Variants in EHBP1 observed in about 807,000 individuals in gnomAD.
The protein encoded by EHBP1 is EH domain binding protein 1.
Under a neutral mutation model 144.0 loss-of-function variants are expected in EHBP1, and 55 were observed. The observed-to-expected ratio is 0.38, with a 90% CI of 0.31 to 0.48. The LOEUF is 0.48. Among genes scored for constraint, EHBP1 ranks in the 20% least tolerant of loss-of-function variants. The pLI, the probability that EHBP1 is intolerant of heterozygous loss-of-function variation, is 0.98. For synonymous variants in EHBP1, 469 were observed against 472.7 expected (o/e 0.99, Z 0.10); for missense variants, 1,200 against 1,364.2 (o/e 0.88, Z 1.90).
In EHBP1 at chr2:62,957,641, C is replaced by CTTTTTTTTTTTTT. The variant is rs1157397512; in HGVS notation, c.2460+1991_2460+2003dup. ...TAAAATTAATATTTGAAAATAAATG[C>CTTTTTTTTTTTTT]TTTTTTTTTTTTTTTTTTTTTTGAG... On this transcript the variant is annotated intron_variant, in intron 14 of 22. Coordinates refer to ENST00000431489, the MANE Select transcript of EHBP1 (RefSeq NM_001142616.3). 6.3e-4 allele frequency among the ~76,000 whole-genome samples: 55 copies of CTTTTTTTTTTTTT among 87,172 alleles called. 5 individuals carry two copies. Among genetic ancestry groups the CTTTTTTTTTTTTT allele is most frequent in the African/African-American group, 1.3e-3 (25 of 19,486 alleles). The allele number at this position is 87,172 out of a possible 152,430, so 57.2% of individuals were successfully genotyped here. A position where few individuals can be genotyped will look rare whatever the true frequency, so the allele number is the denominator to read the frequency against.
chr2:62,911,681 C>G (rs1048323592), intron 10 of EHBP1, among the ~76,000 whole-genome samples: 150 of 152,190 alleles, frequency 9.9e-4, no homozygotes, highest in African/African-American at 3.3e-3. Context: ...AGGCTGGTCT[C>G]GAACTCCTGA....
chr2:62,934,950 G>C (rs1006569994), intron 10 of EHBP1, among the ~76,000 whole-genome samples: 3 of 152,124 alleles, frequency 2.0e-5, no homozygotes, highest in African/African-American at 7.2e-5. Flanking sequence ...AAAGAGTTTA[G>C]TTAACCCTTT....
intron 1 of EHBP1, among the ~76,000 whole-genome samples, chr2:62,678,303 A>G (rs1264876034): frequency 6.6e-6 from 1 of 152,152 alleles, no homozygotes; most frequent in Non-Finnish European, 1.5e-5. Flanking sequence ...TGTCTATTCA[A>G]ATATTTTGTC....
At chr2:63,011,941 A>C (rs559698225) in intron 19 of EHBP1, among the ~76,000 whole-genome samples, 120 of 152,104 alleles carry the variant, frequency 7.9e-4, no homozygotes, top group African/African-American at 2.8e-3. Flanking sequence ...GTTGGGATAC[A>C]TTTAAATATT....
intron 10 of EHBP1, among the ~76,000 whole-genome samples, chr2:62,935,363 A>C (rs1436542963): frequency 6.8e-6 from 1 of 148,132 alleles, no homozygotes; most frequent in Admixed American, 6.7e-5. Flanking sequence ...ATATATATAT[A>C]TATCCATCTC....
Position 62,707,086 on chromosome 2 carries a change from G to A in EHBP1, c.-106G>A, listed in dbSNP as rs2034664902. The stretch of plus-strand genomic sequence containing the variant: ...AAGCATCATTTCGAGTTGTAGTTGA[G>A]TTTTTAAAAGACATACATGCAAAGT... On this transcript the variant is annotated 5_prime_UTR_variant, in exon 2 of 23. Transcript: ENST00000431489. The A allele has an allele frequency of 1.2e-6, 1 of 824,276 alleles. No individual in the cohort carries two copies. The highest frequency in any genetic ancestry group is 1.7e-5 in the African/African-American group (1 of 59,140). 51.1% of individuals were successfully genotyped at this position (824,276 alleles called of 1,614,324 possible).
At chr2:62,779,970 T>A (rs1423688611) in intron 5 of EHBP1, among the ~76,000 whole-genome samples, 1 of 152,150 alleles carries the variant, frequency 6.6e-6, no homozygotes, top group Non-Finnish European at 1.5e-5. Flanking sequence ...TAAAGTACAT[T>A]TCAGATATTA....
intron 10 of EHBP1, among the ~76,000 whole-genome samples, chr2:62,921,130 G>A (rs945936569): frequency 6.6e-6 from 1 of 152,182 alleles, no homozygotes; most frequent in African/African-American, 2.4e-5. Context: ...TCAAATTACA[G>A]TGTTATAATT....
chr2:62,843,752 T>C (rs545054237), intron 7 of EHBP1, among the ~76,000 whole-genome samples: 4 of 152,230 alleles, frequency 2.6e-5, no homozygotes, highest in Admixed American at 1.3e-4. Context: ...TTTTAGCAAA[T>C]AAAAGGTTTA....
At chr2:62,995,212 A>G (rs1239985984) in intron 18 of EHBP1, among the ~76,000 whole-genome samples, 1 of 152,060 alleles carries the variant, frequency 6.6e-6, no homozygotes, top group Non-Finnish European at 1.5e-5. Flanking sequence ...TATATTTTGT[A>G]TTGAGATGGA....
chr2:62,724,085 C>T (rs530072311), intron 2 of EHBP1, among the ~76,000 whole-genome samples: 23 of 152,334 alleles, frequency 1.5e-4, no homozygotes, highest in African/African-American at 5.5e-4. Context: ...TGCTTACACT[C>T]TCCCCATCTC....
chr2:62,905,696 C>T (rs1013924702), intron 10 of EHBP1, among the ~76,000 whole-genome samples: 9 of 151,762 alleles, frequency 5.9e-5, no homozygotes, highest in African/African-American at 9.7e-5. Context: ...TGGTGACACA[C>T]GCCTGTAATC....
At chr2:62,829,657 A>G (rs1415693349) in intron 6 of EHBP1, among the ~76,000 whole-genome samples, 1 of 146,734 alleles carries the variant, frequency 6.8e-6, no homozygotes, top group Non-Finnish European at 1.5e-5. Context: ...ATATACTACT[A>G]TATATTATAT....
In EHBP1 at chr2:62,957,641, C is replaced by CTTT. The variant is rs1157397512; in HGVS notation, c.2460+2001_2460+2003dup. Among the ~76,000 whole-genome samples, 284 of 87,130 alleles carry CTTT rather than the reference C, an allele frequency of 3.3e-3. 52 individuals are homozygous for CTTT. The highest frequency in any genetic ancestry group is 0.012 in the African/African-American group (228 of 19,452). 57.2% of individuals were successfully genotyped at this position (87,130 alleles called of 152,430 possible). A position where few individuals can be genotyped will look rare whatever the true frequency, so the allele number is the denominator to read the frequency against. ...TAAAATTAATATTTGAAAATAAATG[C>CTTT]TTTTTTTTTTTTTTTTTTTTTTGAG... On this transcript the variant is annotated intron_variant, in intron 14 of 22. Coordinates refer to ENST00000431489, the MANE Select transcript of EHBP1 (RefSeq NM_001142616.3).
In EHBP1 at chr2:62,809,149, G is replaced by A. The variant is rs567544943; in HGVS notation, c.313-16938G>A. Among the ~76,000 whole-genome samples the A allele has an allele frequency of 4.6e-5, 7 of 152,154 alleles. No individual in the cohort carries two copies. In the South Asian group the frequency reaches 1.5e-3, roughly 32 times the overall value. ...CTATTAAAAATACAAAAATTAACCA[G>A]GCATGATGGCATGTGCCTGTAATCC... On this transcript the variant is annotated intron_variant, in intron 5 of 22. Transcript: ENST00000431489.
rs369378909 is a variant in EHBP1 at position 62,707,200 on chromosome 2, A to G, written c.9A>G (p.Ser3=). 2.7e-5 allele frequency: 44 copies of G among 1,613,986 alleles called. No homozygotes were observed. In the African/African-American group the frequency reaches 4.1e-4, roughly 15 times the overall value. ...TGTCTTGACTGATCATCATGGCTTC[A>G]GTTTGGAAGAGACTGCAGCGTGTGG... MA[S]VWKRLQRVGK... is the part of the protein sequence containing the mutation. Residue 3 remains serine, a synonymous_variant, in exon 2 of 23, where the codon TCA becomes TCG. Transcript: ENST00000431489.
chr2:62,857,519 A>T (rs1199078350), intron 7 of EHBP1, among the ~76,000 whole-genome samples: 1 of 152,216 alleles, frequency 6.6e-6, no homozygotes, highest in Non-Finnish European at 1.5e-5. Flanking sequence ...TTTAATGTCA[A>T]ATTTACAACT....
At chr2:62,721,116 A>G (rs539376284) in intron 2 of EHBP1, among the ~76,000 whole-genome samples, 1 of 152,142 alleles carries the variant, frequency 6.6e-6, no homozygotes, top group South Asian at 2.1e-4. Context: ...TTTAGTTGTC[A>G]TATCTCCTCT....
rs1214981031 is a variant in EHBP1 at position 62,717,417 on chromosome 2, A to G, written c.104+10122A>G. 2.6e-5 allele frequency among the ~76,000 whole-genome samples: 4 copies of G among 152,362 alleles called. No individual in the cohort carries two copies. In the East Asian group the frequency reaches 7.7e-4, roughly 29 times the overall value. On this transcript the variant is annotated intron_variant, in intron 2 of 22. Transcript: ENST00000431489. ...CTGCATGATATAAAAATAGTTCAGG[A>G]AAAATTGCACAAAGCATTTTGAATA...
Sources: gnomAD v4.1 joint callset for allele counts (sites outside exome capture counted in the v4.1 genomes callset) on GRCh38, gnomAD v4.1.1 for gene constraint, MANE v1.5 for transcripts, NCBI Gene and HGNC (gene_info 2026-07-23, HGNC 2026-07-21) for gene names.